The following ROBO1 variants were observed in gnomAD, a reference collection of about 807,000 sequenced individuals.
The protein encoded by ROBO1 is roundabout guidance receptor 1, also known as roundabout homolog 1.
Under a neutral mutation model 195.9 loss-of-function variants are expected in ROBO1, and 149 were observed. The observed-to-expected ratio is 0.76, with a 90% CI of 0.67 to 0.87. ROBO1 has a LOEUF of 0.87. Among genes scored for constraint, ROBO1 ranks in the 40% least tolerant of loss-of-function variants. ROBO1 has a pLI of 0.00. For missense variants in ROBO1, 1,933 were observed against 2,068.3 expected, an observed-to-expected ratio of 0.93 and a Z score of 1.27; for synonymous variants, 816 against 733.2, an observed-to-expected ratio of 1.11 and a Z score of -1.82.
intron 5 of ROBO1, among the ~76,000 whole-genome samples, chr3:78,742,932 C>T (rs1576066877): frequency 6.6e-6 from 1 of 152,102 alleles, no homozygotes; most frequent in African/African-American, 2.4e-5. Context: ...TAATAAATTA[C>T]ATATTTTGGC....
intron 4 of ROBO1, among the ~76,000 whole-genome samples, chr3:78,747,555 C>T (rs1484897317): frequency 6.6e-6 from 1 of 152,114 alleles, no homozygotes; most frequent in Non-Finnish European, 1.5e-5. Flanking sequence ...CTACCAACAG[C>T]ATCACTTTTA....
chr3:78,975,255 TAA>T (rs1343512644), intron 3 of ROBO1, among the ~76,000 whole-genome samples: 1 of 152,132 alleles, frequency 6.6e-6, no homozygotes, highest in Non-Finnish European at 1.5e-5. Context: ...AAAAGCCAGT[TAA>T]GTGTACATGC....
intron 3 of ROBO1, among the ~76,000 whole-genome samples, chr3:79,023,882 T>G (rs917813887): frequency 6.6e-6 from 1 of 151,294 alleles, no homozygotes; most frequent in African/African-American, 2.4e-5. Context: ...TTTTTTTTTT[T>G]TGTATTTTTA....
chr3:79,288,969 ATGT>A (rs1559793032), intron 2 of ROBO1, among the ~76,000 whole-genome samples: 1 of 152,152 alleles, frequency 6.6e-6, no homozygotes, highest in African/African-American at 2.4e-5. Flanking sequence ...AGGACATTCA[ATGT>A]TGTTGTAAGG....
chr3:78,995,075 C>T (rs2077328867), intron 3 of ROBO1, among the ~76,000 whole-genome samples: 1 of 152,100 alleles, frequency 6.6e-6, no homozygotes, highest in South Asian at 2.1e-4. Context: ...TTCTGTAGTG[C>T]ACCTTATACT....
At chr3:78,735,745 C>A (rs957103487) in intron 5 of ROBO1, among the ~76,000 whole-genome samples, 2 of 151,980 alleles carry the variant, frequency 1.3e-5, no homozygotes, top group Non-Finnish European at 2.9e-5. Context: ...TGAAATAAAT[C>A]CATGAAAACC....
intron 2 of ROBO1, among the ~76,000 whole-genome samples, chr3:79,213,852 G>A (rs1296337195): frequency 8.1e-6 from 1 of 123,882 alleles, no homozygotes; most frequent in Non-Finnish European, 1.6e-5. Context: ...GAGAGAGAGA[G>A]TCTCATTCTG....
At chr3:78,947,475 T>G (rs1453531744) in intron 3 of ROBO1, among the ~76,000 whole-genome samples, 1 of 152,096 alleles carries the variant, frequency 6.6e-6, no homozygotes, top group African/African-American at 2.4e-5. Flanking sequence ...TTGAAACCAA[T>G]GAGAACAAAG....
chr3:79,489,657 A>G (rs1324418230), intron 2 of ROBO1, among the ~76,000 whole-genome samples: 24 of 151,848 alleles, frequency 1.6e-4, no homozygotes, highest in South Asian at 8.3e-4. Flanking sequence ...ATCTCAAAAA[A>G]AAAAAAAAAA....
At chr3:79,026,660 T>C (rs1392977192) in intron 3 of ROBO1, among the ~76,000 whole-genome samples, 1 of 152,016 alleles carries the variant, frequency 6.6e-6, no homozygotes, top group South Asian at 2.1e-4. Flanking sequence ...TAAATCTACA[T>C]CTCACCATGG....
chr3:79,254,342 A>G (rs1027519376), intron 2 of ROBO1, among the ~76,000 whole-genome samples: 2 of 151,950 alleles, frequency 1.3e-5, no homozygotes, highest in African/African-American at 2.4e-5. Flanking sequence ...TTTCATTTGT[A>G]CTATATAATA....
chr3:79,550,281 C>A (rs1242638452), intron 2 of ROBO1, among the ~76,000 whole-genome samples: 3 of 151,310 alleles, frequency 2.0e-5, no homozygotes, highest in Non-Finnish European at 4.4e-5. Context: ...AAGCAGTTTT[C>A]TTTCTCTCAT....
intron 2 of ROBO1, among the ~76,000 whole-genome samples, chr3:79,272,637 T>C (rs1046980637): frequency 6.6e-6 from 1 of 152,030 alleles, no homozygotes; most frequent in African/African-American, 2.4e-5. Flanking sequence ...TTGTGGAACT[T>C]TGCATTGGAA....
intron 2 of ROBO1, among the ~76,000 whole-genome samples, chr3:79,452,797 T>A (rs1000433189): frequency 2.6e-5 from 4 of 152,164 alleles, no homozygotes; most frequent in African/African-American, 9.6e-5. Flanking sequence ...TCCCATATTT[T>A]CTCCAGACAT....
At chr3:79,655,027 C>T (rs1946119267) in intron 1 of ROBO1, among the ~76,000 whole-genome samples, 1 of 152,032 alleles carries the variant, frequency 6.6e-6, no homozygotes, top group East Asian at 1.9e-4. Context: ...ACAGAAGTCA[C>T]GTTAATAGCA....
intron 24 of ROBO1, among the ~76,000 whole-genome samples, 176 bp from the exon 25 acceptor site, chr3:78,631,481 T>G (rs188551843): frequency 1.3e-5 from 2 of 152,280 alleles, no homozygotes. Context: ...TGCAAGGTAC[T>G]GCCATGAATA....
rs576173630 is a variant in ROBO1, at chr3:78,661,044, T to C, written c.2306A>G (p.Lys769Arg). The change falls in exon 16 of 31, where the codon AAA becomes AGA. Residue 769 changes from lysine (K) to arginine (R), a missense_variant. Lys to Arg is a conservative substitution (Grantham distance 26, BLOSUM62 2). Transcript: ENST00000464233. ...ATCATACTTGCCTTCTTCCAGGGTT[T>C]TGGCAAACTTGATTTCACTATCTGC... is the stretch of plus-strand genomic sequence containing the variant. ...QGADSEIKFA[K>R]TLEEAPSAPP... is the part of the protein sequence containing the mutation. 4 of 1,612,524 alleles carry C rather than the reference T, an allele frequency of 2.5e-6. No individual in the cohort carries two copies. Among genetic ancestry groups the C allele is most frequent in the Non-Finnish European group, 2.5e-6 (3 of 1,179,042 alleles).
chr3:78,666,488 A>T (rs1271684151), intron 14 of ROBO1, among the ~76,000 whole-genome samples: 1 of 152,204 alleles, frequency 6.6e-6, no homozygotes, highest in Admixed American at 6.5e-5. Context: ...GCTGGAGACC[A>T]CTGTACTGGG....
chr3:79,499,838 A>AT (rs1227806214), intron 2 of ROBO1, among the ~76,000 whole-genome samples: 4 of 151,980 alleles, frequency 2.6e-5, no homozygotes, highest in Non-Finnish European at 5.9e-5. Context: ...TAATTGATTG[A>AT]TTTTATCTGT....
Sources: gnomAD v4.1 joint callset for allele counts (sites outside exome capture counted in the v4.1 genomes callset) on GRCh38, gnomAD v4.1.1 for gene constraint, MANE v1.5 for transcripts, NCBI Gene and HGNC (gene_info 2026-07-23, HGNC 2026-07-21) for gene names.